The following SNX24 variants were observed in gnomAD, a reference collection of about 807,000 sequenced individuals.
The protein encoded by SNX24 is sorting nexin 24.
SNX24 carries 22 observed loss-of-function variants against 28.7 expected under a neutral mutation model. That is an observed-to-expected ratio of 0.77 (90% CI 0.55 to 1.10). The LOEUF is 1.10. Among genes scored for constraint, SNX24 ranks in the 50% least tolerant of loss-of-function variants. The pLI is 0.00. For synonymous variants in SNX24, 69 were observed against 71.5 expected (o/e 0.96, Z 0.18); for missense variants, 221 against 201.1 (o/e 1.10, Z -0.60).
chr5:122,850,142 AC>A (rs1198480393), intron 1 of SNX24, among the ~76,000 whole-genome samples: 2 of 152,238 alleles, frequency 1.3e-5, no homozygotes, highest in African/African-American at 4.8e-5. Context: ...GGCTACTTTA[AC>A]AAAATACAAT....
chr5:122,945,791 A>G (rs559379567), intron 2 of SNX24, among the ~76,000 whole-genome samples: 2 of 152,224 alleles, frequency 1.3e-5, no homozygotes, highest in South Asian at 4.1e-4. Flanking sequence ...TTAATTTTTC[A>G]GGAAAAAGGA....
intron 3 of SNX24, among the ~76,000 whole-genome samples, chr5:122,949,623 A>T: frequency 6.6e-6 from 1 of 152,186 alleles, no homozygotes. Context: ...TTTCCATATG[A>T]TCATATTTGC....
intron 1 of SNX24, among the ~76,000 whole-genome samples, chr5:122,879,371 C>T (rs900554954): frequency 6.6e-6 from 1 of 152,200 alleles, no homozygotes; most frequent in African/African-American, 2.4e-5. Context: ...AAATCGCAAA[C>T]TTTAGCCCCT....
chr5:122,928,276 C>G (rs377170959), intron 1 of SNX24, among the ~76,000 whole-genome samples: 1 of 152,186 alleles, frequency 6.6e-6, no homozygotes, highest in Non-Finnish European at 1.5e-5. Context: ...TCACTCCCTC[C>G]TGTCATTCAG....
intron 1 of SNX24, among the ~76,000 whole-genome samples, chr5:122,910,667 G>A (rs1364357806): frequency 7.8e-6 from 1 of 128,132 alleles, no homozygotes; most frequent in Non-Finnish European, 1.5e-5. Context: ...CCCTTCCTGT[G>A]TCCATGTGTT....
At chr5:122,997,090 G>A (rs1390102022) in intron 3 of SNX24, among the ~76,000 whole-genome samples, 1 of 152,122 alleles carries the variant, frequency 6.6e-6, no homozygotes, top group Non-Finnish European at 1.5e-5. Flanking sequence ...TTCCTCTTTT[G>A]TATCTCTGTA....
chr5:122,870,709 C>T (rs978091381), intron 1 of SNX24, among the ~76,000 whole-genome samples: 14 of 152,118 alleles, frequency 9.2e-5, no homozygotes, highest in African/African-American at 2.4e-4. Context: ...TTCTTGTAAG[C>T]GGGCATGCAC....
chr5:122,855,641 T>G (rs761115988), intron 1 of SNX24, among the ~76,000 whole-genome samples: 1 of 152,176 alleles, frequency 6.6e-6, no homozygotes, highest in African/African-American at 2.4e-5. Context: ...CAATCAACCC[T>G]GTCAAATGCT....
At position 122,990,194 on chromosome 5, in the gene SNX24, T is replaced by G. The variant is rs150142413; in HGVS notation, c.250-9718T>G. On this transcript the variant is annotated intron_variant, in intron 3 of 6. Transcript: ENST00000261369. ...GTCTGTTGTCACACTCTCTAACCAT[T>G]TCCCACTATTTTCCCACTAAGTACT... Among the ~76,000 whole-genome samples the G allele has an allele frequency of 9.7e-3, 1,476 of 152,318 alleles. 24 individuals carry two copies. Among genetic ancestry groups the G allele is most frequent in the African/African-American group, 0.034 (1,410 of 41,552 alleles).
chr5:122,948,808 TG>T (rs1211042235), intron 3 of SNX24, among the ~76,000 whole-genome samples: 6 of 152,244 alleles, frequency 3.9e-5, no homozygotes. Flanking sequence ...ACATCCAGTA[TG>T]GGCTCCTTTC....
At chr5:122,890,249 T>A (rs544011399) in intron 1 of SNX24, among the ~76,000 whole-genome samples, 12 of 152,318 alleles carry the variant, frequency 7.9e-5, no homozygotes, top group African/African-American at 2.6e-4. Context: ...ATGTTTTCTC[T>A]GTTGTCTATG....
chr5:123,027,877 G>A lies in SNX24; in HGVS notation n.384-1361G>A, dbSNP rs45521331. On this transcript the variant is annotated intron_variant and non_coding_transcript_variant, in intron 5 of 5. Coordinates refer to the SNX24 transcript ENST00000502387. ...TTCAAGAAAAGAACTAAACTTTTAA[G>A]AGAAAACAGTGTATGGAGCTGGATA... 5.7e-4 allele frequency among the ~76,000 whole-genome samples: 87 copies of A among 152,284 alleles called. 1 individual carries two copies. The highest frequency in any genetic ancestry group is 7.6e-4 in the Non-Finnish European group (52 of 68,020).
chr5:122,931,587 G>A (rs1295912081), intron 1 of SNX24, among the ~76,000 whole-genome samples: 1 of 151,922 alleles, frequency 6.6e-6, no homozygotes, highest in Non-Finnish European at 1.5e-5. Context: ...TTGTTCTAAT[G>A]AACAAGTATT....
chr5:122,881,033 T>C (rs1756457366), intron 1 of SNX24, among the ~76,000 whole-genome samples: 1 of 152,198 alleles, frequency 6.6e-6, no homozygotes, highest in Non-Finnish European at 1.5e-5. Context: ...CCTGCTGCTA[T>C]CAGTGTGCAG....
At chr5:122,915,600 C>T (rs1052230047) in intron 1 of SNX24, among the ~76,000 whole-genome samples, 4 of 151,984 alleles carry the variant, frequency 2.6e-5, no homozygotes, top group South Asian at 2.1e-4. Flanking sequence ...TACTCTAGCC[C>T]GGGTAACAAA....
intron 2 of SNX24, among the ~76,000 whole-genome samples, chr5:122,937,736 A>G (rs897219422): frequency 6.6e-6 from 1 of 152,234 alleles, no homozygotes; most frequent in Admixed American, 6.5e-5. Context: ...TCTGGTTAGC[A>G]CTTTTTCAAT....
intron 2 of SNX24, among the ~76,000 whole-genome samples, chr5:122,941,540 G>C (rs1029742177): frequency 2.0e-5 from 3 of 151,846 alleles, no homozygotes; most frequent in African/African-American, 7.3e-5. Flanking sequence ...TTTGTTCTTA[G>C]AACTCCTGTC....
intron 3 of SNX24, among the ~76,000 whole-genome samples, chr5:122,994,434 C>T (rs1037306532): frequency 5.9e-5 from 9 of 152,172 alleles, no homozygotes; most frequent in Non-Finnish European, 1.5e-5. Context: ...GAACAAGTCC[C>T]TCTGTAATTT....
At chr5:122,985,730 A>C in intron 3 of SNX24, among the ~76,000 whole-genome samples, 1 of 152,220 alleles carries the variant, frequency 6.6e-6, no homozygotes, top group East Asian at 1.9e-4. Context: ...TTGCCTTCCA[A>C]AGCAGAGCAT....
Sources: allele counts gnomAD v4.1 joint callset (sites outside exome capture counted in the v4.1 genomes callset), GRCh38; gene constraint gnomAD v4.1.1; transcripts MANE v1.5; gene names NCBI Gene and HGNC (gene_info 2026-07-23, HGNC 2026-07-21).